The following HTR7 variants were observed in gnomAD, a reference collection of about 807,000 sequenced individuals.
The protein encoded by HTR7 is 5-hydroxytryptamine receptor 7, also known as 5-HT-7.
In HTR7, 16 loss-of-function variants were observed where a neutral mutation model predicts 34.0. The observed-to-expected ratio is 0.47, with a 90% CI of 0.32 to 0.71. HTR7 has a LOEUF of 0.71. Ranked by LOEUF, HTR7 falls within the 30% of genes least tolerant of loss-of-function variation. The probability of loss-of-function intolerance (pLI) is 0.04; values close to 1 mark genes in which losing one functional copy is unlikely to be tolerated. For missense variants in HTR7, 504 were observed against 625.5 expected, an observed-to-expected ratio of 0.81 and a Z score of 2.07; for synonymous variants, 265 against 260.2, an observed-to-expected ratio of 1.02 and a Z score of -0.18.
chr10:90,806,455 C>T lies in HTR7; in HGVS notation c.539+50678G>A, dbSNP rs1383095299. 3.9e-5 allele frequency among the ~76,000 whole-genome samples: 6 copies of T among 152,006 alleles called. No individual in the cohort carries two copies. The South Asian group carries it at 1.0e-3, about 26-fold the overall frequency. ...CTACTAAAAAATACAAAAAATTAGC[C>T]GGGCGTGGTGGCGGGCGCCTGTAGT... On this transcript the variant is annotated intron_variant, in intron 1 of 3. Coordinates refer to ENST00000336152, the MANE Select transcript of HTR7 (RefSeq NM_019859.4).
chr10:90,796,055 T>C (rs988591177), intron 1 of HTR7, among the ~76,000 whole-genome samples: 1 of 152,184 alleles, frequency 6.6e-6, no homozygotes, highest in African/African-American at 2.4e-5. Context: ...TTATCTGTGT[T>C]GACGTTAATG....
At chr10:90,774,839 A>T (rs1845180194) in intron 1 of HTR7, among the ~76,000 whole-genome samples, 1 of 152,220 alleles carries the variant, frequency 6.6e-6, no homozygotes, top group African/African-American at 2.4e-5. Context: ...CCTTTCCAAG[A>T]TGGCCTTTTC....
intron 1 of HTR7, among the ~76,000 whole-genome samples, chr10:90,775,412 T>C (rs2119823818): frequency 6.6e-6 from 1 of 152,170 alleles, no homozygotes; most frequent in East Asian, 1.9e-4. Flanking sequence ...GAGGGAGCTG[T>C]GTGAAGATGT....
intron 1 of HTR7, among the ~76,000 whole-genome samples, chr10:90,832,477 G>A (rs1197777905): frequency 6.6e-6 from 1 of 152,132 alleles, no homozygotes; most frequent in Non-Finnish European, 1.5e-5. Context: ...CCGAGTGCGG[G>A]CCCGCCAAGC....
At chr10:90,842,063 T>C (rs1234580449) in intron 1 of HTR7, among the ~76,000 whole-genome samples, 2 of 152,152 alleles carry the variant, frequency 1.3e-5, no homozygotes, top group African/African-American at 4.8e-5. Context: ...GGTTTGAATG[T>C]ATATGTCCCT....
chr10:90,795,968 T>A (rs1230816610), intron 1 of HTR7, among the ~76,000 whole-genome samples: 1 of 152,036 alleles, frequency 6.6e-6, no homozygotes, highest in Non-Finnish European at 1.5e-5. Context: ...GAGAGCAAGG[T>A]TTTATCACGC....
At chr10:90,770,100 G>C (rs1045999444) in intron 1 of HTR7, among the ~76,000 whole-genome samples, 1 of 152,254 alleles carries the variant, frequency 6.6e-6, no homozygotes, top group Non-Finnish European at 1.5e-5. Context: ...CAGCCTCCAG[G>C]ACTCTGAAGC....
At chr10:90,819,796 G>A (rs575585405) in intron 1 of HTR7, among the ~76,000 whole-genome samples, 2 of 151,906 alleles carry the variant, frequency 1.3e-5, no homozygotes, top group African/African-American at 4.8e-5. Flanking sequence ...GAGGAAGGGT[G>A]GAGTTTAAGA....
intron 1 of HTR7, among the ~76,000 whole-genome samples, chr10:90,759,023 A>G (rs1172026922): frequency 6.6e-6 from 1 of 151,990 alleles, no homozygotes; most frequent in Non-Finnish European, 1.5e-5. Context: ...CCCTGTCTCT[A>G]CTAAAAATAC....
At chr10:90,853,654 G>A (rs767229566) in intron 1 of HTR7, among the ~76,000 whole-genome samples, 4 of 151,854 alleles carry the variant, frequency 2.6e-5, no homozygotes, top group East Asian at 1.9e-4. Context: ...TAGCACAAGG[G>A]AACTTTCTTG....
In HTR7 at chr10:90,853,915, C is replaced by T. The variant is rs554180267; in HGVS notation, c.539+3218G>A. Among the ~76,000 whole-genome samples, 72 of 152,230 alleles carry T rather than the reference C, an allele frequency of 4.7e-4. No individual in the cohort carries two copies. The South Asian group carries it at 0.011, about 24-fold the overall frequency. Reference sequence around the variant, plus strand: ...GAGCATCAAAGTCATCTATCTAAAGCGCAAGGAAGAAAAGACAACTTATGG... The same window carrying T: ...GAGCATCAAAGTCATCTATCTAAAGTGCAAGGAAGAAAAGACAACTTATGG... On this transcript the variant is annotated intron_variant, in intron 1 of 3. Transcript: ENST00000336152.
intron 1 of HTR7, among the ~76,000 whole-genome samples, chr10:90,768,514 C>T (rs934732423): frequency 2.0e-5 from 3 of 152,108 alleles, no homozygotes; most frequent in Non-Finnish European, 2.9e-5. Flanking sequence ...TGTCCAAATG[C>T]AAGCAAATAC....
chr10:90,814,635 TGAGA>T (rs909619185), intron 1 of HTR7, among the ~76,000 whole-genome samples: 7 of 151,772 alleles, frequency 4.6e-5, no homozygotes, highest in Admixed American at 3.3e-4. Flanking sequence ...AGAGAAGAAA[TGAGA>T]GAGAAACATG....
chr10:90,789,127 T>C (rs1373635337), intron 1 of HTR7, among the ~76,000 whole-genome samples: 1 of 152,210 alleles, frequency 6.6e-6, no homozygotes, highest in Non-Finnish European at 1.5e-5. Flanking sequence ...TCTCAGTATA[T>C]CTACTGGCTA....
intron 1 of HTR7, among the ~76,000 whole-genome samples, chr10:90,845,231 A>G (rs973441091): frequency 2.6e-5 from 4 of 152,210 alleles, no homozygotes; most frequent in African/African-American, 9.6e-5. Context: ...AAGTAAGAGC[A>G]CTATTTCTGT....
intron 1 of HTR7, among the ~76,000 whole-genome samples, chr10:90,821,269 C>T (rs1457223417): frequency 2.0e-5 from 3 of 152,116 alleles, no homozygotes; most frequent in Non-Finnish European, 4.4e-5. Context: ...ATTGCTGATG[C>T]CATCCCTTCC....
intron 1 of HTR7, among the ~76,000 whole-genome samples, chr10:90,828,231 T>G (rs1846110784): frequency 6.6e-6 from 1 of 152,220 alleles, no homozygotes. Flanking sequence ...GAGAGAAGTT[T>G]ATAGTTATAA....
chr10:90,814,557 A>G (rs1322915915), intron 1 of HTR7, among the ~76,000 whole-genome samples: 1 of 152,232 alleles, frequency 6.6e-6, no homozygotes, highest in Non-Finnish European at 1.5e-5. Context: ...GAAGGTGGAA[A>G]TTTTTAAATG....
chr10:90,851,913 T>C (rs1042986063), intron 1 of HTR7, among the ~76,000 whole-genome samples: 9 of 152,172 alleles, frequency 5.9e-5, no homozygotes, highest in Middle Eastern at 3.2e-3. Context: ...ATGAAAGACA[T>C]GTCTTGCTTC....
Sources: allele counts gnomAD v4.1 joint callset (sites outside exome capture counted in the v4.1 genomes callset), GRCh38; gene constraint gnomAD v4.1.1; transcripts MANE v1.5; gene names NCBI Gene and HGNC (gene_info 2026-07-23, HGNC 2026-07-21).